Variants in PABPC4L observed in about 807,000 individuals in gnomAD.
PABPC4L encodes the protein poly(A) binding protein cytoplasmic 4 like.
For synonymous variants in PABPC4L, 169 were observed against 164.1 expected (o/e 1.03, Z -0.23); for missense variants, 452 against 451.4 (o/e 1.00, Z -0.01).
the PABPC4L span, among the ~76,000 whole-genome samples, chr4:134,061,413 C>A: frequency 6.6e-6 from 1 of 151,728 alleles, no homozygotes; most frequent in Non-Finnish European, 1.5e-5. Flanking sequence ...ATATCATACA[C>A]CACTCTGAAA....
Position 134,200,148 on chromosome 4 carries a change from TG to T in PABPC4L, c.871del (p.Gln291ArgfsTer3). ...GTTCTTAATATAGAGTTTTACCCCC[TG>T]GCACCCACGAATTCGTTCCCTTTTC... The part of the protein sequence containing the change: ...QLKRERIRGC[Q>X]GVKLYIKNLD... On this transcript the variant is annotated frameshift_variant, in exon 2 of 2. Transcript: ENST00000421491. LOFTEE classifies it low-confidence loss of function (END_TRUNC). 1.3e-6 allele frequency: 2 copies of T among 1,551,692 alleles called. No homozygotes were observed. Among genetic ancestry groups the T allele is most frequent in the Non-Finnish European group, 1.7e-6 (2 of 1,146,964 alleles).
At chr4:134,027,268 G>A in the PABPC4L span, among the ~76,000 whole-genome samples, 1 of 152,076 alleles carries the variant, frequency 6.6e-6, no homozygotes, top group Non-Finnish European at 1.5e-5. Flanking sequence ...TTGCAATCCT[G>A]TGATGGCAGG....
At chr4:134,115,810 A>T in the PABPC4L span, among the ~76,000 whole-genome samples, 1 of 151,896 alleles carries the variant, frequency 6.6e-6, no homozygotes, top group East Asian at 1.9e-4. Context: ...TTAAGAAAAA[A>T]CATCTGAATC....
chr4:134,155,203 A>G, the PABPC4L span, among the ~76,000 whole-genome samples: 1 of 152,050 alleles, frequency 6.6e-6, no homozygotes, highest in African/African-American at 2.4e-5. Flanking sequence ...ACGGGCCTGA[A>G]AGCTATGTAA....
At chr4:134,159,167 G>A in the PABPC4L span, among the ~76,000 whole-genome samples, 2 of 152,212 alleles carry the variant, frequency 1.3e-5, no homozygotes, top group East Asian at 3.9e-4. Flanking sequence ...CACTACTGTA[G>A]ACTTTAGAAC....
the PABPC4L span, among the ~76,000 whole-genome samples, chr4:134,113,575 G>C: frequency 6.6e-6 from 1 of 151,860 alleles, no homozygotes; most frequent in African/African-American, 2.4e-5. Context: ...GTTTTCACAA[G>C]GATGAAATTG....
chr4:133,971,359 C>CCT, the PABPC4L span, among the ~76,000 whole-genome samples: 1 of 152,036 alleles, frequency 6.6e-6, no homozygotes, highest in Non-Finnish European at 1.5e-5. Context: ...GATCCGCCCG[C>CCT]CTCATTCTTC....
the PABPC4L span, among the ~76,000 whole-genome samples, chr4:133,972,804 A>C: frequency 6.6e-6 from 1 of 152,304 alleles, no homozygotes; most frequent in Non-Finnish European, 1.5e-5. Flanking sequence ...ATAAATATGC[A>C]CTGGGGTAAA....
chr4:134,009,350 C>T, the PABPC4L span, among the ~76,000 whole-genome samples: 2 of 151,852 alleles, frequency 1.3e-5, no homozygotes, highest in African/African-American at 2.4e-5. Flanking sequence ...CTTATATTTC[C>T]CTTGTTTGTG....
the PABPC4L span, among the ~76,000 whole-genome samples, chr4:134,137,380 A>G: frequency 6.6e-6 from 1 of 151,970 alleles, no homozygotes; most frequent in Non-Finnish European, 1.5e-5. Context: ...AATGAAATCC[A>G]ATGTTTACAA....
At chr4:134,161,616 C>A in the PABPC4L span, among the ~76,000 whole-genome samples, 1 of 151,966 alleles carries the variant, frequency 6.6e-6, no homozygotes, top group East Asian at 1.9e-4. Flanking sequence ...ACCAGACAAA[C>A]AAAAGCTGAG....
the PABPC4L span, among the ~76,000 whole-genome samples, chr4:134,045,381 T>C: frequency 6.6e-6 from 1 of 152,278 alleles, no homozygotes; most frequent in South Asian, 2.1e-4. Flanking sequence ...TGGAAGTGCA[T>C]AGGAAGTAAT....
chr4:134,089,013 T>G, the PABPC4L span, among the ~76,000 whole-genome samples: 2 of 152,072 alleles, frequency 1.3e-5, no homozygotes, highest in Non-Finnish European at 2.9e-5. Context: ...TAGCAATTTT[T>G]TGTCTATCTT....
chr4:134,049,588 A>G, the PABPC4L span, among the ~76,000 whole-genome samples: 6 of 152,272 alleles, frequency 3.9e-5, 1 homozygote, highest in South Asian at 1.0e-3. Flanking sequence ...CCTCCAGAGT[A>G]ACAGGCAATT....
chr4:134,010,181 G>A, the PABPC4L span, among the ~76,000 whole-genome samples: 1 of 151,856 alleles, frequency 6.6e-6, no homozygotes, highest in African/African-American at 2.4e-5. Flanking sequence ...AATATTAAGG[G>A]TATAATAATT....
chr4:134,031,288 ATTTG>A, the PABPC4L span, among the ~76,000 whole-genome samples: 3 of 151,424 alleles, frequency 2.0e-5, no homozygotes, highest in Non-Finnish European at 4.4e-5. Flanking sequence ...TTTTTTTCCT[ATTTG>A]TTTTTGTTTT....
the PABPC4L span, among the ~76,000 whole-genome samples, chr4:134,066,967 C>A: frequency 6.6e-6 from 1 of 152,014 alleles, no homozygotes; most frequent in Non-Finnish European, 1.5e-5. Flanking sequence ...ATATTTGCAT[C>A]TATTTTTACC....
the PABPC4L span, among the ~76,000 whole-genome samples, chr4:134,031,341 G>A: frequency 6.6e-6 from 1 of 151,558 alleles, no homozygotes; most frequent in Admixed American, 6.6e-5. Flanking sequence ...GTATTTATTT[G>A]TGTATTCATC....
the PABPC4L span, among the ~76,000 whole-genome samples, chr4:133,993,413 A>G: frequency 2.0e-5 from 3 of 152,192 alleles, no homozygotes; most frequent in South Asian, 4.1e-4. Flanking sequence ...GGGCTGCCCC[A>G]TAAATTCAAA....
Sources: gnomAD v4.1 joint callset for allele counts (sites outside exome capture counted in the v4.1 genomes callset) on GRCh38, gnomAD v4.1.1 for gene constraint, MANE v1.5 for transcripts, NCBI Gene and HGNC (gene_info 2026-07-23, HGNC 2026-07-21) for gene names.